Variants in ABLIM2 observed in about 807,000 individuals in gnomAD.
ABLIM2 encodes the protein actin binding LIM protein family member 2, also known as actin-binding LIM protein 2.
Under a neutral mutation model 97.7 loss-of-function variants are expected in ABLIM2, and 53 were observed. The ratio of observed to expected loss-of-function variants is 0.54; its 90% CI spans 0.44 to 0.68. The LOEUF is 0.68. Among genes scored for constraint, ABLIM2 ranks in the 30% least tolerant of loss-of-function variants. The pLI is 0.00. For missense variants in ABLIM2, 835 were observed against 867.2 expected (o/e 0.96, Z 0.47); for synonymous variants, 361 against 345.8 (o/e 1.04, Z -0.49).
intron 3 of ABLIM2, among the ~76,000 whole-genome samples, chr4:8,093,645 T>C (rs150311948): frequency 5.9e-5 from 9 of 152,328 alleles, no homozygotes; most frequent in African/African-American, 2.2e-4. Context: ...CTAGAATTAT[T>C]TGATAGATAT....
intron 9 of ABLIM2, among the ~76,000 whole-genome samples, chr4:8,037,893 C>A (rs1171028130): frequency 6.6e-6 from 1 of 152,218 alleles, no homozygotes; most frequent in Non-Finnish European, 1.5e-5. Flanking sequence ...GGAGGTCCAG[C>A]TGGTGTGTGC....
rs1279289626 is a variant in ABLIM2, at chr4:8,085,394, G to A, written c.454+2775C>T. ...ACCGAGAACACCACGGCGTGGCTTT[G>A]GAGGAAGCTGCCATCTGGTGTTGGT... On this transcript the variant is annotated intron_variant, in intron 4 of 20. Transcript: ENST00000447017. This position sits in a 1 kb window ranked among gnomAD's most constrained non-coding sequence, Gnocchi z 6.1. Among the ~76,000 whole-genome samples, 3 of 152,174 alleles carry A rather than the reference G, an allele frequency of 2.0e-5. No individual in the cohort carries two copies. Among genetic ancestry groups the A allele is most frequent in the Non-Finnish European group, 4.4e-5 (3 of 68,010 alleles).
chr4:8,056,482 G>C (rs1444630198), intron 7 of ABLIM2, among the ~76,000 whole-genome samples: 5 of 151,492 alleles, frequency 3.3e-5, no homozygotes, highest in Admixed American at 2.6e-4. Context: ...TCATTTTTTT[G>C]TAGAGATGGG....
intron 6 of ABLIM2, among the ~76,000 whole-genome samples, chr4:8,076,780 G>T (rs1164239663): frequency 2.2e-5 from 3 of 135,210 alleles, no homozygotes; most frequent in Non-Finnish European, 4.8e-5. Flanking sequence ...AGGGTGGGGG[G>T]GTCTGTGAAC....
At chr4:8,017,175 G>A (rs1055031800) in intron 14 of ABLIM2, among the ~76,000 whole-genome samples, 5 of 152,156 alleles carry the variant, frequency 3.3e-5, no homozygotes, top group Non-Finnish European at 5.9e-5. Context: ...GGCCTCCTGC[G>A]CCGCCTCCTC....
intron 11 of ABLIM2, 71 bp downstream of exon 11, chr4:8,029,585 C>CT: frequency 1.1e-6 from 1 of 909,834 alleles, no homozygotes; most frequent in South Asian, 3.1e-5. Flanking sequence ...AAAAAAAAAA[C>CT]TAAAAAAAAA....
At chr4:8,010,052 A>G (rs116450369) in intron 14 of ABLIM2, among the ~76,000 whole-genome samples, 1 of 152,362 alleles carries the variant, frequency 6.6e-6, no homozygotes, top group African/African-American at 2.4e-5. Flanking sequence ...CAGTCAGGAA[A>G]TGACAAAATT....
intron 14 of ABLIM2, among the ~76,000 whole-genome samples, chr4:8,011,657 A>T (rs865846323): frequency 5.9e-5 from 9 of 152,232 alleles, no homozygotes; most frequent in Non-Finnish European, 1.5e-5. Context: ...CTGCTTTGGG[A>T]TGTCAGAAAA....
chr4:8,114,840 G>A (rs1242635109), intron 1 of ABLIM2, among the ~76,000 whole-genome samples: 1 of 152,240 alleles, frequency 6.6e-6, no homozygotes, highest in Non-Finnish European at 1.5e-5. Flanking sequence ...CTGGGCACAA[G>A]AGCACACAGG....
intron 8 of ABLIM2, among the ~76,000 whole-genome samples, chr4:8,045,541 C>G (rs1791761210): frequency 6.6e-6 from 1 of 152,130 alleles, no homozygotes; most frequent in African/African-American, 2.4e-5. Flanking sequence ...CCCAGCTACT[C>G]AGGAGGCTGA....
chr4:8,158,593 C>G, intron 1 of ABLIM2, 87 bp downstream of exon 1: 1 of 1,444,230 alleles, frequency 6.9e-7, no homozygotes, highest in Non-Finnish European at 9.2e-7. Flanking sequence ...CCCGGCGTTG[C>G]AGGTGCAGCC....
Position 8,158,813 on chromosome 4 carries a change from C to A in ABLIM2, c.-124G>T, listed in dbSNP as rs1247741957. 1.0e-5 allele frequency: 8 copies of A among 796,146 alleles called. No individual in the cohort carries two copies. Among genetic ancestry groups the A allele is most frequent in the Middle Eastern group, 5.0e-4 (1 of 1,988 alleles). 49.3% of individuals were successfully genotyped at this position (796,146 alleles called of 1,614,324 possible). A position where few individuals can be genotyped will look rare whatever the true frequency, so the allele number is the denominator to read the frequency against. ...GCTCCGCGCCCGCTCCTTGCGCACA[C>A]GCCAGGCAGCGCCGCCGCAGCCCCA... On this transcript the variant is annotated 5_prime_UTR_variant, in exon 1 of 21. Transcript: ENST00000447017.
At chr4:8,146,626 A>G (rs1851836192) in intron 1 of ABLIM2, among the ~76,000 whole-genome samples, 1 of 152,036 alleles carries the variant, frequency 6.6e-6, no homozygotes, top group African/African-American at 2.4e-5. Context: ...TGCAGCCTCA[A>G]CCTCCCAGGC....
At chr4:7,991,029 C>T (rs1196453950) in intron 17 of ABLIM2, among the ~76,000 whole-genome samples, 1 of 152,230 alleles carries the variant, frequency 6.6e-6, no homozygotes, top group Non-Finnish European at 1.5e-5. Context: ...TAACGCTCTC[C>T]TTCCCACCCC....
In ABLIM2 at chr4:7,998,473, C is replaced by T. The variant is rs1049296696; in HGVS notation, c.1619-5546G>A. Among the ~76,000 whole-genome samples the T allele has an allele frequency of 2.0e-5, 3 of 151,534 alleles. No individual in the cohort carries two copies. The highest frequency in any genetic ancestry group is 4.4e-5 in the Non-Finnish European group (3 of 67,958). On this transcript the variant is annotated intron_variant, in intron 16 of 20. Coordinates refer to ENST00000447017, the MANE Select transcript of ABLIM2 (RefSeq NM_001130083.2). The surrounding 1 kb of genome is among the most constrained non-coding windows in gnomAD (Gnocchi z 6.4). ...GCTGCCGGTCTGCCCACCTGGGTCC[C>T]TGCCGGTGCTGCCTGTGGGGATAAA...
intron 6 of ABLIM2, among the ~76,000 whole-genome samples, chr4:8,065,049 A>C (rs1313547812): frequency 1.3e-5 from 2 of 152,222 alleles, no homozygotes; most frequent in Admixed American, 1.3e-4. Context: ...CAGGAGTTCA[A>C]GACCAGCCTG....
In ABLIM2 at chr4:8,007,475, T is replaced by C. The variant is rs1762200580; in HGVS notation, c.1618+584A>G. On this transcript the variant is annotated intron_variant, in intron 16 of 20. Transcript: ENST00000447017. Reference sequence around the variant, plus strand: ...ACTGAGTGAGCACTTGCTACTGGTTTTCACCTATGATTTACAGCGGCCGGA... The same window carrying C: ...ACTGAGTGAGCACTTGCTACTGGTTCTCACCTATGATTTACAGCGGCCGGA... 4 of 985,506 alleles carry C rather than the reference T, an allele frequency of 4.1e-6. No homozygotes were observed. In the South Asian group the frequency reaches 1.9e-4, roughly 46 times the overall value. 61.0% of individuals were successfully genotyped at this position (985,506 alleles called of 1,614,324 possible). A position where few individuals can be genotyped will look rare whatever the true frequency, so the allele number is the denominator to read the frequency against.
chr4:8,052,018 C>A (rs57147516), intron 8 of ABLIM2, among the ~76,000 whole-genome samples: 12,059 of 152,262 alleles, frequency 0.079, 1,328 homozygotes, highest in African/African-American at 0.25. Flanking sequence ...CTCTTTCTCT[C>A]TACCAGGGAG....
chr4:8,144,564 C>G (rs1221356225), intron 1 of ABLIM2, among the ~76,000 whole-genome samples: 1 of 152,128 alleles, frequency 6.6e-6, no homozygotes, highest in Non-Finnish European at 1.5e-5. Flanking sequence ...GGAGGGAGGG[C>G]GCCATTCAGC....
Sources: allele counts gnomAD v4.1 joint callset (sites outside exome capture counted in the v4.1 genomes callset), GRCh38; gene constraint gnomAD v4.1.1; non-coding constraint Gnocchi (gnomAD v3.1); transcripts MANE v1.5; gene names NCBI Gene and HGNC (gene_info 2026-07-23, HGNC 2026-07-21).